DNAJC11: variants seen among roughly 807,000 people sequenced by gnomAD.
The protein encoded by DNAJC11 is dnaJ homolog subfamily C member 11.
In DNAJC11, 15 loss-of-function variants were observed where a neutral mutation model predicts 78.6. The ratio of observed to expected loss-of-function variants is 0.19; its 90% CI spans 0.13 to 0.29. DNAJC11 has a LOEUF of 0.29. Among genes scored for constraint, DNAJC11 ranks in the 10% least tolerant of loss-of-function variants. DNAJC11 has a pLI of 1.00. For synonymous variants in DNAJC11, 292 were observed against 272.1 expected, an observed-to-expected ratio of 1.07 and a Z score of -0.72; for missense variants, 547 against 709.6, an observed-to-expected ratio of 0.77 and a Z score of 2.60.
intron 2 of DNAJC11, among the ~76,000 whole-genome samples, chr1:6,679,726 G>A (rs1354901185): frequency 6.6e-6 from 1 of 152,132 alleles, no homozygotes; most frequent in Admixed American, 6.6e-5. Context: ...TAAACATGAG[G>A]CCAGGTCTGC....
At chr1:6,688,755 A>G (rs1057487685) in intron 1 of DNAJC11, among the ~76,000 whole-genome samples, 2 of 152,224 alleles carry the variant, frequency 1.3e-5, no homozygotes, top group African/African-American at 2.4e-5. Context: ...GGGGAAAATA[A>G]TAACAGGCCG....
intron 7 of DNAJC11, chr1:6,650,872 C>T (rs989992487): frequency 3.1e-6 from 1 of 319,250 alleles, no homozygotes; most frequent in African/African-American, 2.2e-5. Context: ...AAGACCCTGT[C>T]TCCAAAATAA....
chr1:6,655,087 G>A (rs1642107775), intron 4 of DNAJC11, among the ~76,000 whole-genome samples: 1 of 152,052 alleles, frequency 6.6e-6, no homozygotes, highest in Non-Finnish European at 1.5e-5. Flanking sequence ...GTGAGCCACC[G>A]CGCCCAGCTG....
At chr1:6,688,676 G>C (rs984824000) in intron 1 of DNAJC11, among the ~76,000 whole-genome samples, 2 of 152,184 alleles carry the variant, frequency 1.3e-5, no homozygotes, top group Non-Finnish European at 2.9e-5. Flanking sequence ...GAGGTGGTGA[G>C]ACCCCAATGA....
At chr1:6,637,603 C>T (rs942237468) in intron 12 of DNAJC11, 99 bp from the exon 13 acceptor site, 6 of 1,370,650 alleles carry the variant, frequency 4.4e-6, no homozygotes, top group Middle Eastern at 1.9e-4. Flanking sequence ...CGTCAACATA[C>T]TTGCTCAGGG....
chr1:6,700,279 G>T (rs1308365083), intron 1 of DNAJC11, among the ~76,000 whole-genome samples: 1 of 152,128 alleles, frequency 6.6e-6, no homozygotes, highest in Non-Finnish European at 1.5e-5. Flanking sequence ...AAACCTATAA[G>T]AACTAATGAT....
Position 6,645,643 on chromosome 1 carries a change from A to G in DNAJC11, c.894+146T>C. 1.1e-6 allele frequency: 1 copy of G among 896,406 alleles called. No homozygotes were observed. The highest frequency in any genetic ancestry group is 1.7e-6 in the Non-Finnish European group (1 of 591,548). 55.5% of individuals were successfully genotyped at this position (896,406 alleles called of 1,614,324 possible). On this transcript the variant is annotated intron_variant, in intron 8 of 15. Coordinates refer to ENST00000377577, the MANE Select transcript of DNAJC11 (RefSeq NM_018198.4). This position sits in a 1 kb window ranked among gnomAD's most constrained non-coding sequence, Gnocchi z 4.1. ...GGTTCCACCAGGTCACTCGAGTGTGAGCACCGAGAGCCTGCCCCTCAGGGC... is the reference window on the plus strand; with the variant it reads ...GGTTCCACCAGGTCACTCGAGTGTGGGCACCGAGAGCCTGCCCCTCAGGGC...
At chr1:6,689,133 G>C (rs1315111785) in intron 1 of DNAJC11, among the ~76,000 whole-genome samples, 1 of 152,196 alleles carries the variant, frequency 6.6e-6, no homozygotes, top group East Asian at 1.9e-4. Context: ...GAGAAATAAT[G>C]TCACCAGTAT....
chr1:6,657,687 T>C (rs1003728747), intron 4 of DNAJC11, among the ~76,000 whole-genome samples: 4 of 152,214 alleles, frequency 2.6e-5, no homozygotes, highest in African/African-American at 2.4e-5. Flanking sequence ...CTCTGTCGCC[T>C]GGGCTGGAGT....
At chr1:6,666,125 C>CT (rs1355911715) in intron 4 of DNAJC11, among the ~76,000 whole-genome samples, 2 of 152,146 alleles carry the variant, frequency 1.3e-5, no homozygotes, top group East Asian at 1.9e-4. Flanking sequence ...CAAATATACA[C>CT]TTTTTTCCCA....
intron 1 of DNAJC11, among the ~76,000 whole-genome samples, chr1:6,699,223 G>A (rs1314296786): frequency 6.6e-6 from 1 of 151,872 alleles, no homozygotes; most frequent in Non-Finnish European, 1.5e-5. Context: ...CCTGAGCCCG[G>A]GGAAGTCAAG....
chr1:6,700,815 T>G (rs1642912675), intron 1 of DNAJC11, among the ~76,000 whole-genome samples: 1 of 152,176 alleles, frequency 6.6e-6, no homozygotes, highest in Non-Finnish European at 1.5e-5. Flanking sequence ...CTGGAAAACC[T>G]GAGAGATGGA....
intron 7 of DNAJC11, among the ~76,000 whole-genome samples, chr1:6,647,689 G>C (rs900943635): frequency 6.6e-6 from 1 of 152,114 alleles, no homozygotes; most frequent in East Asian, 1.9e-4. Flanking sequence ...GTGGTGGCAT[G>C]TGCCTGTAGT....
At chr1:6,659,915 G>T (rs1382619477) in intron 4 of DNAJC11, among the ~76,000 whole-genome samples, 8 of 151,786 alleles carry the variant, frequency 5.3e-5, no homozygotes, top group Non-Finnish European at 7.4e-5. Context: ...AATTAGCTGG[G>T]CGTGGTGGCA....
intron 7 of DNAJC11, chr1:6,651,259 G>A (rs1020943295): frequency 5.2e-5 from 33 of 639,512 alleles, no homozygotes; most frequent in East Asian, 6.3e-5. Context: ...CTCTTTCTCC[G>A]TGGCCTTGTG....
chr1:6,697,716 T>C (rs566043526), intron 1 of DNAJC11, among the ~76,000 whole-genome samples: 1 of 152,344 alleles, frequency 6.6e-6, no homozygotes, highest in African/African-American at 2.4e-5. Flanking sequence ...TTTAAGGGGA[T>C]ATTTTAAAGT....
intron 14 of DNAJC11, 128 bp from the exon 15 acceptor site, chr1:6,636,374 T>C: frequency 1.5e-6 from 2 of 1,362,120 alleles, no homozygotes; most frequent in Non-Finnish European, 9.9e-7. Context: ...CTTTGGGGCA[T>C]GAAGAAAAAG....
intron 1 of DNAJC11, among the ~76,000 whole-genome samples, chr1:6,693,955 C>G (rs1642792782): frequency 6.6e-6 from 1 of 151,342 alleles, no homozygotes; most frequent in South Asian, 2.1e-4. Context: ...CCTGCTTCAG[C>G]CTTATGAGTA....
chr1:6,680,554 T>C lies in DNAJC11; in HGVS notation c.202+354A>G, dbSNP rs113889100. On this transcript the variant is annotated intron_variant, in intron 2 of 15. Coordinates refer to ENST00000377577, the MANE Select transcript of DNAJC11 (RefSeq NM_018198.4). This position sits in a 1 kb window ranked among gnomAD's most constrained non-coding sequence, Gnocchi z 4.0. Reference sequence around the variant, plus strand: ...TTTTGGATGAAAAAATGTCCTTGTATCTTCTAACAAAAAAGAGAACAAAGA... The same window carrying C: ...TTTTGGATGAAAAAATGTCCTTGTACCTTCTAACAAAAAAGAGAACAAAGA... Among the ~76,000 whole-genome samples, 105 of 152,312 alleles carry C rather than the reference T, an allele frequency of 6.9e-4. No individual in the cohort carries two copies. Among genetic ancestry groups the C allele is most frequent in the African/African-American group, 2.5e-3 (104 of 41,572 alleles).
Sources: gnomAD v4.1 joint callset for allele counts (sites outside exome capture counted in the v4.1 genomes callset) on GRCh38, gnomAD v4.1.1 for gene constraint, Gnocchi (gnomAD v3.1) non-coding constraint, MANE v1.5 for transcripts, NCBI Gene and HGNC (gene_info 2026-07-23, HGNC 2026-07-21) for gene names.